ARHGAP24: variants seen among roughly 807,000 people sequenced by gnomAD.
ARHGAP24 encodes the protein rho GTPase-activating protein 24.
Under a neutral mutation model 76.4 loss-of-function variants are expected in ARHGAP24, and 50 were observed. That is an observed-to-expected ratio of 0.65 (90% CI 0.52 to 0.83). The LOEUF (loss-of-function observed/expected upper bound fraction) is 0.83. Among genes scored for constraint, ARHGAP24 ranks in the 40% least tolerant of loss-of-function variants. The pLI is 0.00. For missense variants in ARHGAP24, 930 were observed against 914.2 expected (o/e 1.02, Z -0.22); for synonymous variants, 345 against 323.3 (o/e 1.07, Z -0.72).
chr4:85,750,248 G>A, intron 3 of ARHGAP24, among the ~76,000 whole-genome samples: 1 of 152,056 alleles, frequency 6.6e-6, no homozygotes, highest in Non-Finnish European at 1.5e-5. Flanking sequence ...GTTGTGATAT[G>A]GAGTGATTTG....
At chr4:85,683,123 G>C (rs1302785849) in intron 2 of ARHGAP24, among the ~76,000 whole-genome samples, 5 of 112,480 alleles carry the variant, frequency 4.4e-5, no homozygotes, top group African/African-American at 1.3e-4. Flanking sequence ...GGGGTGGGGG[G>C]GGGGTGCGGG....
intron 1 of ARHGAP24, among the ~76,000 whole-genome samples, chr4:85,520,430 G>A (rs959269320): frequency 1.3e-5 from 2 of 152,122 alleles, no homozygotes; most frequent in African/African-American, 4.8e-5. Flanking sequence ...AGAAGATAAT[G>A]GGCATAGGAT....
intron 2 of ARHGAP24, among the ~76,000 whole-genome samples, chr4:85,694,583 A>G (rs1420490683): frequency 6.6e-6 from 1 of 152,104 alleles, no homozygotes; most frequent in East Asian, 1.9e-4. Flanking sequence ...AAATGTTTCT[A>G]TTGTTTGCAA....
intron 2 of ARHGAP24, among the ~76,000 whole-genome samples, chr4:85,607,174 CTG>C (rs1468316274): frequency 1.3e-5 from 2 of 152,100 alleles, no homozygotes; most frequent in East Asian, 3.9e-4. Context: ...ATAATAGAGT[CTG>C]TATCAGGGCC....
At position 85,762,486 on chromosome 4, in the gene ARHGAP24, A is replaced by C. The variant is rs530903471; in HGVS notation, c.268+40514A>C. Among the ~76,000 whole-genome samples, 18 of 152,262 alleles carry C rather than the reference A, an allele frequency of 1.2e-4. No homozygotes were observed. In the East Asian group the frequency reaches 3.3e-3, roughly 28 times the overall value. ...CAAACCTAATTAACATAAGCTAACA[A>C]ATATTATTATTAACAAAACTGCGTT... On this transcript the variant is annotated intron_variant, in intron 3 of 9. Coordinates refer to ENST00000395184, the MANE Select transcript of ARHGAP24 (RefSeq NM_001025616.3).
At chr4:85,839,339 A>G (rs1730460363) in intron 3 of ARHGAP24, among the ~76,000 whole-genome samples, 1 of 152,230 alleles carries the variant, frequency 6.6e-6, no homozygotes, top group African/African-American at 2.4e-5. Context: ...CTCATCTTTT[A>G]TTAACACTGA....
At chr4:85,658,806 G>A (rs1052019388) in intron 2 of ARHGAP24, among the ~76,000 whole-genome samples, 4 of 152,178 alleles carry the variant, frequency 2.6e-5, no homozygotes, top group Admixed American at 2.0e-4. Flanking sequence ...GATGTACATG[G>A]CCAAATGTGG....
At position 85,565,026 on chromosome 4, in the gene ARHGAP24, C is replaced by T. The variant is rs72979929; in HGVS notation, c.-20-5496C>T. 6.6e-3 allele frequency among the ~76,000 whole-genome samples: 960 copies of T among 144,916 alleles called. 14 individuals are homozygous for T. Among genetic ancestry groups the T allele is most frequent in the African/African-American group, 0.022 (864 of 39,662 alleles). ...ACACCCATACACATATGTGCACTTG[C>T]ATGTATACCTATAAACACATGCGCA... On this transcript the variant is annotated intron_variant, in intron 1 of 9. Transcript: ENST00000395184.
At chr4:85,890,583 A>G (rs1165442577) in intron 3 of ARHGAP24, among the ~76,000 whole-genome samples, 1 of 152,202 alleles carries the variant, frequency 6.6e-6, no homozygotes, top group Admixed American at 6.5e-5. Flanking sequence ...TTAAGTTTGA[A>G]TAGAAATTTT....
chr4:85,827,461 C>CGTGTGTGTGTGTGT (rs56379272), intron 3 of ARHGAP24, among the ~76,000 whole-genome samples: 1,905 of 108,696 alleles, frequency 0.018, 64 homozygotes, highest in Non-Finnish European at 0.024. Context: ...GAAGTCTGCC[C>CGTGTGTGTGTGTGT]GTGTGTGTGT....
intron 1 of ARHGAP24, among the ~76,000 whole-genome samples, chr4:85,540,870 G>T (rs1434885685): frequency 1.3e-5 from 2 of 151,584 alleles, no homozygotes; most frequent in Non-Finnish European, 2.9e-5. Flanking sequence ...TTTTTTTACA[G>T]GTGTTTGTAT....
intron 8 of ARHGAP24, among the ~76,000 whole-genome samples, chr4:85,986,918 C>G (rs893715225): frequency 6.6e-6 from 1 of 151,982 alleles, no homozygotes; most frequent in Non-Finnish European, 1.5e-5. Context: ...TTTAAAGCAT[C>G]TTTTAAATGA....
At chr4:85,750,484 CCT>C (rs1726216176) in intron 3 of ARHGAP24, among the ~76,000 whole-genome samples, 1 of 93,618 alleles carries the variant, frequency 1.1e-5, no homozygotes, top group Non-Finnish European at 2.0e-5. Flanking sequence ...TCTTTTCATT[CCT>C]TTTTTTTTTT....
intron 3 of ARHGAP24, among the ~76,000 whole-genome samples, chr4:85,855,005 T>A (rs945048960): frequency 9.8e-5 from 15 of 152,346 alleles, no homozygotes; most frequent in African/African-American, 3.1e-4. Flanking sequence ...AAGTACCAGG[T>A]GACCAGAAGT....
At chr4:85,878,601 T>G (rs1733068702) in intron 3 of ARHGAP24, among the ~76,000 whole-genome samples, 1 of 152,010 alleles carries the variant, frequency 6.6e-6, no homozygotes. Context: ...GACATTAAAT[T>G]ATATATATAT....
chr4:85,649,561 A>G (rs1721857357), intron 2 of ARHGAP24, among the ~76,000 whole-genome samples: 1 of 152,124 alleles, frequency 6.6e-6, no homozygotes, highest in South Asian at 2.1e-4. Flanking sequence ...GGATAAACAG[A>G]TTGATTTAAT....
chr4:85,482,224 T>C (rs1213069249), intron 1 of ARHGAP24, among the ~76,000 whole-genome samples: 1 of 152,244 alleles, frequency 6.6e-6, no homozygotes, highest in East Asian at 1.9e-4. Context: ...CTTCCCATTA[T>C]GGTTTGTCAT....
At chr4:85,683,125 G>GGA (rs1553922589) in intron 2 of ARHGAP24, among the ~76,000 whole-genome samples, 1,078 of 107,746 alleles carry the variant, frequency 0.01, 28 homozygotes, top group South Asian at 0.014. Context: ...GGTGGGGGGG[G>GGA]GGTGCGGGGG....
chr4:85,860,251 G>A (rs773221512), intron 3 of ARHGAP24, among the ~76,000 whole-genome samples: 4 of 151,760 alleles, frequency 2.6e-5, no homozygotes, highest in South Asian at 2.1e-4. Context: ...AATGTGTAGA[G>A]AGATGGGGGA....
Sources: gnomAD v4.1 joint callset for allele counts (sites outside exome capture counted in the v4.1 genomes callset) on GRCh38, gnomAD v4.1.1 for gene constraint, MANE v1.5 for transcripts, NCBI Gene and HGNC (gene_info 2026-07-23, HGNC 2026-07-21) for gene names.